Variants in POLR3K observed in about 807,000 individuals in gnomAD.
POLR3K encodes RNA polymerase III subunit K, also known as DNA-directed RNA polymerase III subunit RPC10.
In POLR3K, 11 loss-of-function variants were observed where a neutral mutation model predicts 13.5. The ratio of observed to expected loss-of-function variants is 0.81; its 90% CI spans 0.51 to 1.35. The LOEUF is 1.35. Among genes scored for constraint, POLR3K ranks in the 40% most tolerant of loss-of-function variants. The pLI is 0.00. For missense variants in POLR3K, 144 were observed against 145.3 expected (o/e 0.99, Z 0.05); for synonymous variants, 56 against 51.5 (o/e 1.09, Z -0.38).
At chr16:50,202 G>T (rs189428065) in intron 2 of POLR3K, among the ~76,000 whole-genome samples, 2 of 151,992 alleles carry the variant, frequency 1.3e-5, no homozygotes, top group Non-Finnish European at 2.9e-5. Context: ...CAGGTGATCC[G>T]CCCGCCTCGG....
Position 51,652 on chromosome 16 carries a change from A to T in POLR3K, c.112-7T>A. 6.2e-7 allele frequency: 1 copy of T among 1,611,036 alleles called. No homozygotes were observed. Among genetic ancestry groups the T allele is most frequent in the East Asian group, 2.2e-5 (1 of 44,862 alleles). ...GGTACTTCCGATTTGTTACCTAACA[A>T]AAACAACACTTCAGACTCCAAGTAA... On this transcript the variant is annotated splice_region_variant and splice_polypyrimidine_tract_variant and intron_variant, in intron 1 of 2. Transcript: ENST00000293860.
At chr16:52,019 C>CAAA (rs545144457) in intron 1 of POLR3K, 4 of 116,670 alleles carry the variant, frequency 3.4e-5, no homozygotes, top group South Asian at 2.3e-4. Flanking sequence ...GACTCCATCT[C>CAAA]AAAAAAAAAA....
intron 1 of POLR3K, chr16:52,878 G>A (rs1420176083): frequency 6.6e-6 from 1 of 152,316 alleles, no homozygotes; most frequent in Non-Finnish European, 1.5e-5. Flanking sequence ...AATTACAAAG[G>A]GAAGGAGAAT....
In POLR3K at chr16:51,738, CG is replaced by C; in HGVS notation, c.112-94del. The C allele has an allele frequency of 9.5e-6, 10 of 1,056,430 alleles. No homozygotes were observed. In the South Asian group the frequency reaches 1.2e-4, roughly 13 times the overall value. 65.4% of individuals were successfully genotyped at this position (1,056,430 alleles called of 1,614,324 possible). ...TTTCAGGATTACATAAGAGTTCACT[CG>C]GCTGGGCGTGGTGGCTGACACCTGT... On this transcript the variant is annotated intron_variant, in intron 1 of 2. Transcript: ENST00000293860.
chr16:49,505 A>G (rs896303229), intron 2 of POLR3K, among the ~76,000 whole-genome samples: 3 of 149,938 alleles, frequency 2.0e-5, no homozygotes, highest in Non-Finnish European at 4.5e-5. Flanking sequence ...TTTTTTTTTT[A>G]GACAGTCTCA....
At position 51,578 on chromosome 16, in the gene POLR3K, T is replaced by C. The variant is rs762292309; in HGVS notation, c.179A>G (p.Glu60Gly). The C allele has an allele frequency of 1.2e-6, 2 of 1,614,016 alleles. No homozygotes were observed. The highest frequency in any genetic ancestry group is 1.7e-6 in the Non-Finnish European group (2 of 1,179,886). ...CTTACCTGCAGTAGAGTCAACATTCTCCCAGGCAGCTGCTCCACCAAGCAC... is the reference window on the plus strand; with the variant it reads ...CTTACCTGCAGTAGAGTCAACATTCCCCCAGGCAGCTGCTCCACCAAGCAC... ...DDVLGGAAAW[E>G]NVDSTAESCP... Residue 60 changes from glutamate to glycine, a missense_variant, in exon 2 of 3, where the codon GAG becomes GGG. Physicochemically the swap from Glu to Gly is moderately conservative, Grantham distance 98. Transcript: ENST00000293860.
At chr16:51,527 G>T in intron 2 of POLR3K, 31 bp downstream of exon 2, 1 of 1,571,418 alleles carries the variant, frequency 6.4e-7, no homozygotes, top group African/African-American at 1.3e-5. Context: ...ATTATCCACA[G>T]TTTAGCAACA....
chr16:52,170 G>C (rs1181201896), intron 1 of POLR3K: 2 of 153,194 alleles, frequency 1.3e-5, no homozygotes, highest in African/African-American at 4.8e-5. Context: ...ATTCTGGCCA[G>C]GCGTGGTGGC....
intron 1 of POLR3K, among the ~76,000 whole-genome samples, chr16:52,446 CAAAAAAAAAAAAAAAAAAAAAAAAAAAAA>C (rs767411954): frequency 1.3e-5 from 1 of 74,174 alleles, no homozygotes; most frequent in Non-Finnish European, 2.5e-5. Context: ...GACTCTGTCT[CAAAAAAAAAAAAAAAAAAAAAAAAAAAAA>C]AAAAAAAAAA....
chr16:52,775 A>AAAT (rs1897350546), intron 1 of POLR3K, among the ~76,000 whole-genome samples: 1 of 136,770 alleles, frequency 7.3e-6, no homozygotes, highest in Non-Finnish European at 1.5e-5. Flanking sequence ...CAAAAAAAAA[A>AAAT]AAAAAAAAAA....
At chr16:53,287 G>T in intron 1 of POLR3K, 189 bp downstream of exon 1, 1 of 1,160,058 alleles carries the variant, frequency 8.6e-7, no homozygotes, top group Non-Finnish European at 1.1e-6. Context: ...AACCCAAGGC[G>T]GTGGGAAACG....
intron 2 of POLR3K, among the ~76,000 whole-genome samples, chr16:49,706 C>G (rs1897315412): frequency 6.7e-6 from 1 of 149,668 alleles, no homozygotes; most frequent in Non-Finnish European, 1.5e-5. Flanking sequence ...ATAGCACGAT[C>G]TCAGCTCACT....
At chr16:49,612 G>A (rs1028395599) in intron 2 of POLR3K, among the ~76,000 whole-genome samples, 7 of 151,228 alleles carry the variant, frequency 4.6e-5, no homozygotes, top group Non-Finnish European at 8.8e-5. Context: ...TAGGACTACA[G>A]GCACGCGCCA....
intron 1 of POLR3K, among the ~76,000 whole-genome samples, chr16:52,795 A>AAAAAAAAC (rs1301989386): frequency 7.5e-5 from 2 of 26,786 alleles, no homozygotes; most frequent in African/African-American, 2.6e-4. Flanking sequence ...AAAAAAAAAA[A>AAAAAAAAC]CAATAAAAAA....
At chr16:52,784 A>C (rs1246736444) in intron 1 of POLR3K, among the ~76,000 whole-genome samples, 1 of 25,644 alleles carries the variant, frequency 3.9e-5, no homozygotes, top group East Asian at 1.1e-3. Flanking sequence ...AAAAAAAAAA[A>C]AAAAAAAAAA....
At chr16:51,949 G>A (rs1897335445) in intron 1 of POLR3K, 1 of 236,928 alleles carries the variant, frequency 4.2e-6, no homozygotes, top group South Asian at 5.2e-5. Context: ...GAACCTGGGA[G>A]GCGGAGCTTG....
chr16:51,714 T>A, intron 1 of POLR3K, 69 bp from the exon 2 acceptor site: 2 of 1,331,316 alleles, frequency 1.5e-6, no homozygotes, highest in East Asian at 4.6e-5. Flanking sequence ...AACCTTAAAT[T>A]TCAGGATTAC....
At chr16:53,322 A>G (rs2141836066) in intron 1 of POLR3K, 154 bp downstream of exon 1, 2 of 1,363,178 alleles carry the variant, frequency 1.5e-6, no homozygotes, top group South Asian at 3.1e-5. Context: ...GTGTATTGGA[A>G]AGTAGAGCCC....
In POLR3K at chr16:47,376, T is replaced by A. The variant is rs933766023; in HGVS notation, c.*54A>T. 2 of 1,584,954 alleles carry A rather than the reference T, an allele frequency of 1.3e-6. No individual in the cohort carries two copies. The highest frequency in any genetic ancestry group is 3.4e-5 in the Admixed American group (2 of 58,344). ...CACAACTCATACTGCCAGCTAAGCA[T>A]CTACCCCGAGGGACAAGGCAAGCAC... On this transcript the variant is annotated 3_prime_UTR_variant, in exon 3 of 3. Coordinates refer to ENST00000293860, the MANE Select transcript of POLR3K (RefSeq NM_016310.5).
Sources: gnomAD v4.1 joint callset for allele counts (sites outside exome capture counted in the v4.1 genomes callset) on GRCh38, gnomAD v4.1.1 for gene constraint, MANE v1.5 for transcripts, NCBI Gene and HGNC (gene_info 2026-07-23, HGNC 2026-07-21) for gene names.